Variants in MTAP observed in about 807,000 individuals in gnomAD.
MTAP encodes the protein methylthioadenosine phosphorylase, also known as S-methyl-5'-thioadenosine phosphorylase.
A neutral mutation model predicts 33.6 loss-of-function variants in MTAP; 33 were observed. The ratio of observed to expected loss-of-function variants is 0.98; its 90% CI spans 0.74 to 1.31. The LOEUF (loss-of-function observed/expected upper bound fraction) is 1.31, where lower values mean the gene tolerates loss of function less well. Among genes scored for constraint, MTAP ranks in the 40% most tolerant of loss-of-function variants. The pLI is 0.00. For missense variants in MTAP, 367 were observed against 360.0 expected (o/e 1.02, Z -0.16); for synonymous variants, 148 against 125.7 (o/e 1.18, Z -1.19).
chr9:21,910,645 G>A (rs1405476541), intron 1 of MTAP, among the ~76,000 whole-genome samples: 1 of 152,194 alleles, frequency 6.6e-6, no homozygotes. Context: ...TGAAAGGTTT[G>A]GAGATATTGT....
chr9:21,837,281 G>A (rs1188493655), intron 4 of MTAP, among the ~76,000 whole-genome samples: 2 of 152,158 alleles, frequency 1.3e-5, no homozygotes, highest in African/African-American at 4.8e-5. Context: ...TGGGTCACTG[G>A]CATGAAAAAA....
At chr9:21,883,458 G>T (rs1197004950) in intron 1 of MTAP, among the ~76,000 whole-genome samples, 1 of 152,032 alleles carries the variant, frequency 6.6e-6, no homozygotes, top group Non-Finnish European at 1.5e-5. Flanking sequence ...ACCACATGGA[G>T]AAAATAATGT....
intron 1 of MTAP, among the ~76,000 whole-genome samples, chr9:21,901,063 G>C (rs906626381): frequency 5.3e-5 from 8 of 152,132 alleles, no homozygotes; most frequent in African/African-American, 9.7e-5. Context: ...CTACCTCTTA[G>C]GTACTATGCT....
intron 1 of MTAP, among the ~76,000 whole-genome samples, chr9:21,895,954 A>G (rs1228716147): frequency 6.6e-6 from 1 of 152,214 alleles, no homozygotes; most frequent in Non-Finnish European, 1.5e-5. Flanking sequence ...TCAACAGAAT[A>G]TACATTCTTC....
In MTAP at chr9:21,865,301, T is replaced by C. The variant is rs143647446; in HGVS notation, c.*3287T>C. 1 of 496,286 alleles carries C rather than the reference T, an allele frequency of 2.0e-6. No individual in the cohort carries two copies. The highest frequency in any genetic ancestry group is 2.1e-5 in the African/African-American group (1 of 47,640). 30.7% of individuals were successfully genotyped at this position (496,286 alleles called of 1,614,324 possible). The stretch of plus-strand genomic sequence containing the variant: ...CTGCCATCATGTGAAGAAGGACGTG[T>C]TTGTTTCCCCTTCTGCCACGATTGT... On this transcript the variant is annotated 3_prime_UTR_variant, in exon 8 of 8. Transcript: ENST00000644715.
chr9:21,802,759 G>T lies in MTAP; in HGVS notation c.11G>T (p.Gly4Val). 1 of 1,612,868 alleles carries T rather than the reference G, an allele frequency of 6.2e-7. No homozygotes were observed. The highest frequency in any genetic ancestry group is 8.5e-7 in the Non-Finnish European group (1 of 1,179,806). Residue 4 changes from glycine (G) to valine (V), a missense_variant, in exon 1 of 8, where the codon GGC becomes GTC. Coordinates refer to ENST00000644715, the MANE Select transcript of MTAP (RefSeq NM_002451.4). The stretch of plus-strand genomic sequence containing the variant: ...CTTTCCCGTGCAGACATGGCCTCTG[G>T]CACCACCACCACCGCCGTGAAGGTG... MAS[G>V]TTTTAVKIGI...
chr9:21,829,458 C>G (rs1466216933), intron 4 of MTAP, among the ~76,000 whole-genome samples: 2 of 151,086 alleles, frequency 1.3e-5, no homozygotes, highest in African/African-American at 2.4e-5. Flanking sequence ...GACAGTCCCA[C>G]TCTGTTGCCC....
chr9:21,836,404 A>G (rs1389540744), intron 4 of MTAP, among the ~76,000 whole-genome samples: 1 of 152,134 alleles, frequency 6.6e-6, no homozygotes, highest in East Asian at 1.9e-4. Context: ...TCCAAGGCAA[A>G]TGGGTGGGGA....
intron 4 of MTAP, among the ~76,000 whole-genome samples, chr9:21,836,090 C>G (rs540169856): frequency 6.6e-6 from 1 of 152,218 alleles, no homozygotes; most frequent in South Asian, 2.1e-4. Context: ...CTAGCCCAGA[C>G]CCACACTTGT....
At chr9:21,904,227 T>G (rs1818437947) in intron 1 of MTAP, among the ~76,000 whole-genome samples, 1 of 152,128 alleles carries the variant, frequency 6.6e-6, no homozygotes, top group Non-Finnish European at 1.5e-5. Flanking sequence ...GCTGATGTGG[T>G]CCTCTCCACG....
chr9:21,914,231 C>T (rs948406510), intron 1 of MTAP, among the ~76,000 whole-genome samples: 18 of 152,152 alleles, frequency 1.2e-4, no homozygotes, highest in African/African-American at 4.3e-4. Flanking sequence ...GGCGATTCCT[C>T]AAGGATCTAG....
At chr9:21,837,019 T>G (rs1825126286) in intron 4 of MTAP, among the ~76,000 whole-genome samples, 1 of 152,196 alleles carries the variant, frequency 6.6e-6, no homozygotes, top group South Asian at 2.1e-4. Flanking sequence ...CCTGTGTTAC[T>G]CATCAGTTCA....
chr9:21,910,758 G>A (rs564114867), intron 1 of MTAP, among the ~76,000 whole-genome samples: 30 of 152,150 alleles, frequency 2.0e-4, no homozygotes, highest in African/African-American at 7.2e-4. Flanking sequence ...TATTCACACA[G>A]GTGTGCTACC....
At chr9:21,837,836 A>C in intron 4 of MTAP, 72 bp from the exon 5 acceptor site, 1 of 1,245,454 alleles carries the variant, frequency 8.0e-7, no homozygotes, top group Non-Finnish European at 1.2e-6. Flanking sequence ...AAGTTGACTC[A>C]CCAGCCCTCG....
downstream of MTAP, chr9:21,933,124 G>C (rs1156888606): frequency 6.6e-6 from 1 of 152,216 alleles, no homozygotes; most frequent in East Asian, 1.9e-4. Context: ...TCCACACTGA[G>C]TGTAGGTATA....
rs1425832327 is a variant in MTAP, at chr9:21,837,908, G to T, written c.348G>T (p.Arg116Ser). 1.9e-6 allele frequency: 3 copies of T among 1,611,788 alleles called. No individual in the cohort carries two copies. The highest frequency in any genetic ancestry group is 2.5e-6 in the Non-Finnish European group (3 of 1,178,916). ...AAACCTTTTTTGCTTTATTTTGTAG[G>T]ACCACTATGAGACCTCAGTCCTTCT... is the stretch of plus-strand genomic sequence containing the variant. Reference protein sequence around the residue: ...DIVIIDQFIDRTTMRPQSFYD... With the variant: ...DIVIIDQFIDSTTMRPQSFYD... The change falls in exon 5 of 8, where the codon AGG (arginine) becomes AGT (serine). Residue 116 changes from arginine (R) to serine (S), a missense_variant and splice_region_variant. By Grantham distance (110) the Arg-to-Ser change is moderately radical. Transcript: ENST00000644715.
At chr9:21,841,841 G>A (rs1215045639) in intron 5 of MTAP, among the ~76,000 whole-genome samples, 2 of 152,118 alleles carry the variant, frequency 1.3e-5, no homozygotes, top group Admixed American at 1.3e-4. Context: ...AACCAGAAAA[G>A]CAATTCTGGT....
At chr9:21,916,120 G>GAAGGAAGGAAGGAAGGAAGGA (rs1397028813) in intron 1 of MTAP, among the ~76,000 whole-genome samples, 54 of 142,156 alleles carry the variant, frequency 3.8e-4, no homozygotes, top group African/African-American at 1.1e-3. Context: ...AGGAAGGAAG[G>GAAGGAAGGAAGGAAGGAAGGA]AGGGAGGGAA....
intron 7 of MTAP, 175 bp from the exon 8 acceptor site, chr9:21,861,801 C>G (rs1825759622): frequency 3.3e-6 from 2 of 611,924 alleles, no homozygotes; most frequent in Admixed American, 2.9e-5. Flanking sequence ...TTTAGAGTAC[C>G]CGAAGTTCCA....
Sources: allele counts gnomAD v4.1 joint callset (sites outside exome capture counted in the v4.1 genomes callset), GRCh38; gene constraint gnomAD v4.1.1; transcripts MANE v1.5; gene names NCBI Gene and HGNC (gene_info 2026-07-23, HGNC 2026-07-21).